The following LSM11 variants were observed in gnomAD, a reference collection of about 807,000 sequenced individuals.
LSM11 encodes the protein U7 snRNA-associated Sm-like protein LSm11.
A neutral mutation model predicts 28.1 loss-of-function variants in LSM11; 14 were observed. The ratio of observed to expected loss-of-function variants is 0.50; its 90% CI spans 0.33 to 0.78. LSM11 has a LOEUF of 0.78. LSM11 is among the 30% of genes least tolerant of loss of function. The pLI, the probability that LSM11 is intolerant of heterozygous loss-of-function variation, is 0.02. For synonymous variants in LSM11, 207 were observed against 214.2 expected, an observed-to-expected ratio of 0.97 and a Z score of 0.30; for missense variants, 495 against 510.6, an observed-to-expected ratio of 0.97 and a Z score of 0.30.
Position 157,756,604 on chromosome 5 carries a change from A to G in LSM11, c.*1340A>G, listed in dbSNP as rs1322140845. On this transcript the variant is annotated 3_prime_UTR_variant, in exon 4 of 4. Transcript: ENST00000286307. ...AAGCCTTCTGAGAAGCAGGGTGAAT[A>G]AAGTTTAGGGAGCTGGGACACCTGG... is the stretch of plus-strand genomic sequence containing the variant. 2 of 152,560 alleles carry G rather than the reference A, an allele frequency of 1.3e-5. No individual in the cohort carries two copies. The highest frequency in any genetic ancestry group is 4.8e-5 in the African/African-American group (2 of 41,424). The allele number at this position is 152,560 out of a possible 1,614,324, so 9.5% of individuals were successfully genotyped here. A position where few individuals can be genotyped will look rare whatever the true frequency, so the allele number is the denominator to read the frequency against.
chr5:157,752,843 CAAAAAA>C lies in LSM11; in HGVS notation c.589-1144_589-1139del, dbSNP rs553164268. On this transcript the variant is annotated intron_variant, in intron 2 of 3. Transcript: ENST00000286307. ...CCTGGGTGGCAGAGCGAGACTCTGT[CAAAAAA>C]AAAAAAAAAAAAAAAAGAACCACCA... is the stretch of plus-strand genomic sequence containing the variant. Among the ~76,000 whole-genome samples the C allele has an allele frequency of 3.5e-3, 362 of 103,266 alleles. 3 individuals carry two copies. Among genetic ancestry groups the C allele is most frequent in the African/African-American group, 8.8e-3 (242 of 27,512 alleles). 67.7% of individuals were successfully genotyped at this position (103,266 alleles called of 152,430 possible).
rs747913664 is a variant in LSM11 at position 157,755,670 on chromosome 5, G to A, written c.*406G>A. ...TAGTGCCCTGAGTACTCATGAATTC[G>A]ATTCCAAGAGTAGTGGTGTAAATTG... On this transcript the variant is annotated 3_prime_UTR_variant, in exon 4 of 4. Transcript: ENST00000286307. The A allele has an allele frequency of 1.5e-5, 6 of 405,748 alleles. No homozygotes were observed. The highest frequency in any genetic ancestry group is 6.2e-5 in the African/African-American group (3 of 48,650). 25.1% of individuals were successfully genotyped at this position (405,748 alleles called of 1,614,324 possible). A position where few individuals can be genotyped will look rare whatever the true frequency, so the allele number is the denominator to read the frequency against.
At chr5:157,744,291 G>A in intron 1 of LSM11, 93 bp downstream of exon 1, 1 of 992,382 alleles carries the variant, frequency 1.0e-6, no homozygotes, top group Non-Finnish European at 1.3e-6. Context: ...GCCGGGCGCG[G>A]GTCTGCACGT....
intron 1 of LSM11, among the ~76,000 whole-genome samples, chr5:157,747,071 AT>A (rs1231323632): frequency 6.6e-6 from 1 of 152,212 alleles, no homozygotes; most frequent in Non-Finnish European, 1.5e-5. Context: ...GTGGAATGCA[AT>A]TGCTTTTCCT....
rs1212071478 is a variant in LSM11, at chr5:157,757,629, A to G, written c.*2365A>G. On this transcript the variant is annotated 3_prime_UTR_variant, in exon 4 of 4. Coordinates refer to ENST00000286307, the MANE Select transcript of LSM11 (RefSeq NM_173491.4). ...TGGAAGCTGCCAGTCTAAATTCTAA[A>G]TAGTGTATCTGAAATCTCAGTTCCC... The G allele has an allele frequency of 6.6e-6, 1 of 152,246 alleles. No individual in the cohort carries two copies. The highest frequency in any genetic ancestry group is 1.5e-5 in the Non-Finnish European group (1 of 68,040). The allele number at this position is 152,246 out of a possible 1,614,324, so 9.4% of individuals were successfully genotyped here.
At chr5:157,751,683 A>C (rs892252642) in intron 2 of LSM11, among the ~76,000 whole-genome samples, 154 bp downstream of exon 2, 2 of 152,208 alleles carry the variant, frequency 1.3e-5, no homozygotes, top group Non-Finnish European at 2.9e-5. Context: ...ACAACAAGAA[A>C]AGGTCTTTTT....
chr5:157,752,843 CAAAA>C (rs553164268), intron 2 of LSM11, among the ~76,000 whole-genome samples: 2,466 of 103,254 alleles, frequency 0.024, 57 homozygotes, highest in African/African-American at 0.063. Context: ...GAGACTCTGT[CAAAA>C]AAAAAAAAAA....
At chr5:157,753,681 C>T (rs1005349559) in intron 2 of LSM11, among the ~76,000 whole-genome samples, 1 of 152,174 alleles carries the variant, frequency 6.6e-6, no homozygotes, top group Non-Finnish European at 1.5e-5. Context: ...ACAGAATCTC[C>T]AGCAGAATAG....
chr5:157,751,066 G>A (rs1689532105), intron 1 of LSM11, among the ~76,000 whole-genome samples: 1 of 152,140 alleles, frequency 6.6e-6, no homozygotes, highest in South Asian at 2.1e-4. Context: ...ACAGACGTGA[G>A]CCACCACGCC....
rs1761392342 is a variant in LSM11, at chr5:157,760,595, A to G, written c.*5331A>G. 1 of 152,250 alleles carries G rather than the reference A, an allele frequency of 6.6e-6. No individual in the cohort carries two copies. The highest frequency in any genetic ancestry group is 1.5e-5 in the Non-Finnish European group (1 of 68,056). The allele number at this position is 152,250 out of a possible 1,614,324, so 9.4% of individuals were successfully genotyped here. The stretch of plus-strand genomic sequence containing the variant: ...TTACTCCTAATTGCTAAATTAACTG[A>G]AACCCTTCCTGTCTAGGGAGAATTG... On this transcript the variant is annotated 3_prime_UTR_variant, in exon 4 of 4. Coordinates refer to ENST00000286307, the MANE Select transcript of LSM11 (RefSeq NM_173491.4).
chr5:157,743,762 G>C lies in LSM11; in HGVS notation c.12G>C (p.Arg4=). 7.1e-7 allele frequency: 1 copy of C among 1,402,184 alleles called. No homozygotes were observed. Among genetic ancestry groups the C allele is most frequent in the Non-Finnish European group, 9.3e-7 (1 of 1,080,296 alleles). 86.9% of individuals were successfully genotyped at this position (1,402,184 alleles called of 1,614,324 possible). A position where few individuals can be genotyped will look rare whatever the true frequency, so the allele number is the denominator to read the frequency against. Residue 4 remains arginine, a synonymous_variant, in exon 1 of 4, where the codon CGG becomes CGC. Transcript: ENST00000286307. MEE[R]ERGARSAGAG... is the part of the protein sequence containing the mutation. Reference sequence around the variant, plus strand: ...CGGGCCTTTCAAACATGGAGGAGCGGGAGCGGGGGGCGAGGTCGGCTGGCG... The same window carrying C: ...CGGGCCTTTCAAACATGGAGGAGCGCGAGCGGGGGGCGAGGTCGGCTGGCG...
Position 157,748,369 on chromosome 5 carries a change from C to G in LSM11, c.449-3021C>G, listed in dbSNP as rs73817706. 7.3e-3 allele frequency among the ~76,000 whole-genome samples: 1,104 copies of G among 152,272 alleles called. 13 individuals are homozygous for G. The highest frequency in any genetic ancestry group is 0.025 in the African/African-American group (1,047 of 41,544). On this transcript the variant is annotated intron_variant, in intron 1 of 3. Transcript: ENST00000286307. ...GGTAGTTGTGGAGGCTAAAGCAACT[C>G]CATCTTGAATGCCAGTCCACCATGT...
At chr5:157,751,319 G>C (rs1761228038) in intron 1 of LSM11, 71 bp from the exon 2 acceptor site, 2 of 1,484,362 alleles carry the variant, frequency 1.3e-6, no homozygotes, top group Non-Finnish European at 1.8e-6. Context: ...CCGAAGTTGG[G>C]TGGTCGTGGC....
chr5:157,749,207 C>T (rs187983807), intron 1 of LSM11, among the ~76,000 whole-genome samples: 1 of 152,174 alleles, frequency 6.6e-6, no homozygotes, highest in African/African-American at 2.4e-5. Flanking sequence ...GCTAAGATAC[C>T]TGCTTGCCCT....
At chr5:157,748,583 A>G (rs1387948011) in intron 1 of LSM11, among the ~76,000 whole-genome samples, 2 of 152,160 alleles carry the variant, frequency 1.3e-5, no homozygotes, top group Non-Finnish European at 2.9e-5. Flanking sequence ...TAAGCCCTGC[A>G]TCTGGGGGTC....
At chr5:157,745,617 C>T (rs911908362) in intron 1 of LSM11, among the ~76,000 whole-genome samples, 1 of 152,154 alleles carries the variant, frequency 6.6e-6, no homozygotes, top group Non-Finnish European at 1.5e-5. Flanking sequence ...AAGGAATATT[C>T]CTGTGTATTG....
rs575068572 is a variant in LSM11 at position 157,751,520 on chromosome 5, C to T, written c.579C>T (p.Phe193=). The change falls in exon 2 of 4, where the codon TTC becomes TTT. Residue 193 remains phenylalanine, a synonymous_variant. Coordinates refer to ENST00000286307, the MANE Select transcript of LSM11 (RefSeq NM_173491.4). ...CTGFLVAFDK[F]WNMALTDVDE... ...GCTTCCTTGTTGCATTCGACAAGTT[C>T]TGGAATATGGTAATTAAGCCTTTCT... 6.2e-7 allele frequency: 1 copy of T among 1,612,142 alleles called. No homozygotes were observed. The highest frequency in any genetic ancestry group is 1.1e-5 in the South Asian group (1 of 90,588).
chr5:157,754,757 C>A, intron 3 of LSM11, 97 bp from the exon 4 acceptor site: 10 of 978,016 alleles, frequency 1.0e-5, no homozygotes, highest in South Asian at 1.7e-5. Flanking sequence ...AAGGAGTCCA[C>A]AGAACATAAT....
chr5:157,748,601 G>A (rs940133195), intron 1 of LSM11, among the ~76,000 whole-genome samples: 58 of 152,092 alleles, frequency 3.8e-4, no homozygotes, highest in African/African-American at 1.1e-3. Context: ...GTCATGGCAC[G>A]GGGATCCACC....
Sources: allele counts gnomAD v4.1 joint callset (sites outside exome capture counted in the v4.1 genomes callset), GRCh38; gene constraint gnomAD v4.1.1; transcripts MANE v1.5; gene names NCBI Gene and HGNC (gene_info 2026-07-23, HGNC 2026-07-21).